PRKCA: variants seen among roughly 807,000 people sequenced by gnomAD.
PRKCA encodes the protein protein kinase C alpha.
A neutral mutation model predicts 87.0 loss-of-function variants in PRKCA; 27 were observed. That is an observed-to-expected ratio of 0.31 (90% confidence interval 0.23 to 0.43). The LOEUF (loss-of-function observed/expected upper bound fraction) is 0.43. PRKCA is among the 20% of genes least tolerant of loss of function. PRKCA has a pLI of 1.00. For synonymous variants in PRKCA, 329 were observed against 311.1 expected, an observed-to-expected ratio of 1.06 and a Z score of -0.61; for missense variants, 518 against 852.3, an observed-to-expected ratio of 0.61 and a Z score of 4.88.
chr17:66,404,938 C>T (rs917749644), intron 2 of PRKCA, among the ~76,000 whole-genome samples: 2 of 151,624 alleles, frequency 1.3e-5, no homozygotes, highest in Non-Finnish European at 2.9e-5. Context: ...TTAGTAGAGA[C>T]GGGGTTTCAC....
intron 5 of PRKCA, among the ~76,000 whole-genome samples, chr17:66,678,074 A>G (rs1050318679): frequency 7.9e-5 from 12 of 152,216 alleles, no homozygotes; most frequent in African/African-American, 2.9e-4. Flanking sequence ...GGTCTTTGCA[A>G]TGTGATAAAG....
At chr17:66,512,461 TG>T (rs1219911789) in intron 3 of PRKCA, among the ~76,000 whole-genome samples, 253 of 46,536 alleles carry the variant, frequency 5.4e-3, no homozygotes, top group African/African-American at 0.015. Flanking sequence ...AAAAAAAGTG[TG>T]TGTGTGTGTG....
In PRKCA at chr17:66,807,752, G is replaced by A. The variant is rs935541461; in HGVS notation, c.*3715G>A. Reference sequence around the variant, plus strand: ...TCTCGGAGCCAAAGTCCTTAGGCGAGTGTGGTGACTTCCTGGAAGGAGGAT... The same window carrying A: ...TCTCGGAGCCAAAGTCCTTAGGCGAATGTGGTGACTTCCTGGAAGGAGGAT... On this transcript the variant is annotated 3_prime_UTR_variant, in exon 17 of 17. Coordinates refer to ENST00000413366, the MANE Select transcript of PRKCA (RefSeq NM_002737.3). The surrounding 1 kb of genome is among the most constrained non-coding windows in gnomAD (Gnocchi z 4.3). 5.3e-5 allele frequency: 8 copies of A among 152,252 alleles called. No homozygotes were observed. Among genetic ancestry groups the A allele is most frequent in the African/African-American group, 1.7e-4 (7 of 41,452 alleles). The allele number at this position is 152,252 out of a possible 1,614,324, so 9.4% of individuals were successfully genotyped here.
At chr17:66,489,402 C>G (rs1161712763) in intron 2 of PRKCA, among the ~76,000 whole-genome samples, 1 of 134,642 alleles carries the variant, frequency 7.4e-6, no homozygotes, top group African/African-American at 2.8e-5. Flanking sequence ...TATATTTCCC[C>G]CCTCAATGAA....
chr17:66,525,020 T>A (rs1967297218), intron 3 of PRKCA, among the ~76,000 whole-genome samples: 1 of 152,222 alleles, frequency 6.6e-6, no homozygotes, highest in African/African-American at 2.4e-5. Context: ...TCTCTACTCC[T>A]GTGAGTCAAG....
intron 3 of PRKCA, among the ~76,000 whole-genome samples, chr17:66,562,125 T>C (rs1472947658): frequency 3.1e-5 from 1 of 32,040 alleles, no homozygotes; most frequent in Non-Finnish European, 5.1e-5. Context: ...TAATTAAATA[T>C]ATATAATTAA....
chr17:66,497,947 G>C (rs960753281), intron 3 of PRKCA, among the ~76,000 whole-genome samples: 14 of 152,250 alleles, frequency 9.2e-5, no homozygotes, highest in Admixed American at 3.3e-4. Context: ...CCTGTTGTGG[G>C]CTCTGAGCCC....
chr17:66,564,691 A>G (rs1237775700), intron 3 of PRKCA, among the ~76,000 whole-genome samples: 1 of 152,112 alleles, frequency 6.6e-6, no homozygotes, highest in Non-Finnish European at 1.5e-5. Flanking sequence ...TTTTTAAAAG[A>G]CCAGTGCCAG....
chr17:66,527,491 A>G (rs1366394429), intron 3 of PRKCA, among the ~76,000 whole-genome samples: 2 of 152,160 alleles, frequency 1.3e-5, no homozygotes, highest in Non-Finnish European at 2.9e-5. Flanking sequence ...ATGTTAGACA[A>G]TAGGGTGATT....
intron 8 of PRKCA, among the ~76,000 whole-genome samples, chr17:66,701,557 A>G (rs975602553): frequency 1.3e-5 from 2 of 152,208 alleles, no homozygotes; most frequent in Admixed American, 6.5e-5. Flanking sequence ...TGTATATCCA[A>G]TAAGGGTTTA....
chr17:66,663,002 T>C (rs778958649), intron 5 of PRKCA, among the ~76,000 whole-genome samples: 32 of 152,178 alleles, frequency 2.1e-4, no homozygotes, highest in Non-Finnish European at 2.1e-4. Context: ...GGAACAGTTC[T>C]GTAATGGGAT....
intron 3 of PRKCA, among the ~76,000 whole-genome samples, chr17:66,526,657 C>CATGT (rs1967357352): frequency 6.6e-6 from 1 of 151,988 alleles, no homozygotes; most frequent in African/African-American, 2.4e-5. Context: ...CAAAGTGAGT[C>CATGT]ACATGGCTAA....
rs1906792611 is a variant in PRKCA, at chr17:66,337,787, T to C, written c.205+31660T>C. 4.6e-5 allele frequency among the ~76,000 whole-genome samples: 7 copies of C among 152,328 alleles called. No homozygotes were observed. The South Asian group carries it at 1.5e-3, about 32-fold the overall frequency. ...TTTTTAAAGGGAAGTACTGGAAAAC[T>C]GGATGCTGGCTTTTTGACTTCTCTT... On this transcript the variant is annotated intron_variant, in intron 2 of 16. Transcript: ENST00000413366.
chr17:66,390,705 G>A (rs1031932202), intron 2 of PRKCA, among the ~76,000 whole-genome samples: 1 of 152,162 alleles, frequency 6.6e-6, no homozygotes, highest in African/African-American at 2.4e-5. Flanking sequence ...TGCACAAAAG[G>A]AGCTTCATGG....
chr17:66,443,136 G>T (rs1367992063), intron 2 of PRKCA, among the ~76,000 whole-genome samples: 2 of 152,128 alleles, frequency 1.3e-5, no homozygotes, highest in African/African-American at 2.4e-5. Context: ...AGAAACTTTT[G>T]CCCCATTTGC....
Position 66,803,883 on chromosome 17 carries a change from G to A in PRKCA, c.1865G>A (p.Gly622Glu), listed in dbSNP as rs868351119. 6.2e-7 allele frequency: 1 copy of A among 1,613,748 alleles called. No individual in the cohort carries two copies. The highest frequency in any genetic ancestry group is 8.5e-7 in the Non-Finnish European group (1 of 1,179,790). Reference sequence around the variant, plus strand: ...GTCTTTTCTCCACAGTGTGGCAAAGGAGCAGAGAACTTTGACAAGTTCTTC... The same window carrying A: ...GTCTTTTCTCCACAGTGTGGCAAAGAAGCAGAGAACTTTGACAAGTTCTTC... ...PPFKPKVCGKGAENFDKFFTR... is the reference protein window; with the variant it reads ...PPFKPKVCGKEAENFDKFFTR... The change falls in exon 17 of 17, where the codon GGA becomes GAA. Residue 622 changes from glycine (G) to glutamate (E), a missense_variant. This residue lies in a region of PRKCA where 159 missense variants were observed against 232.4 expected (regional missense o/e 0.68). Transcript: ENST00000413366. This position sits in a 1 kb window ranked among gnomAD's most constrained non-coding sequence, Gnocchi z 4.4.
chr17:66,678,701 G>C (rs1972404945), intron 5 of PRKCA, among the ~76,000 whole-genome samples: 1 of 151,104 alleles, frequency 6.6e-6, no homozygotes, highest in South Asian at 2.1e-4. Context: ...CCACCCAACA[G>C]GCTTCTCGTA....
chr17:66,330,341 A>C (rs1016473057), intron 2 of PRKCA, among the ~76,000 whole-genome samples: 2 of 152,080 alleles, frequency 1.3e-5, no homozygotes, highest in Non-Finnish European at 2.9e-5. Context: ...TCCTGACCTC[A>C]GGTGATCCCC....
intron 5 of PRKCA, among the ~76,000 whole-genome samples, chr17:66,654,986 T>C (rs1465979127): frequency 6.6e-6 from 1 of 152,212 alleles, no homozygotes; most frequent in East Asian, 1.9e-4. Context: ...TTCTTCCCCA[T>C]TGGAGACTCA....
Sources: gnomAD v4.1 joint callset for allele counts (sites outside exome capture counted in the v4.1 genomes callset) on GRCh38, gnomAD v4.1.1 for gene constraint, gnomAD v4.1.1 regional missense constraint, Gnocchi (gnomAD v3.1) non-coding constraint, MANE v1.5 for transcripts, NCBI Gene and HGNC (gene_info 2026-07-23, HGNC 2026-07-21) for gene names.